The following DPH6 variants were observed in gnomAD, a reference collection of about 807,000 sequenced individuals.
DPH6 encodes diphthine--ammonia ligase.
DPH6 carries 33 observed loss-of-function variants against 38.2 expected under a neutral mutation model. That is an observed-to-expected ratio of 0.86 (90% CI 0.65 to 1.15). The LOEUF (loss-of-function observed/expected upper bound fraction) is 1.15. Ranked by LOEUF, DPH6 falls within the 50% of genes most tolerant of loss-of-function variation. The pLI is 0.00. For missense variants in DPH6, 325 were observed against 320.0 expected (o/e 1.02, Z -0.12); for synonymous variants, 108 against 103.0 (o/e 1.05, Z -0.30).
chr15:35,500,135 A>G (rs181156985), intron 3 of DPH6, among the ~76,000 whole-genome samples: 79 of 152,300 alleles, frequency 5.2e-4, no homozygotes, highest in African/African-American at 1.9e-3. Flanking sequence ...TTTATCCAAG[A>G]TAATAAATAT....
intron 3 of DPH6, among the ~76,000 whole-genome samples, chr15:35,227,170 TCTTC>T (rs1271221825): frequency 8.4e-5 from 12 of 143,542 alleles, no homozygotes; most frequent in Non-Finnish European, 1.7e-4. Context: ...AGTTATAACA[TCTTC>T]TTTTTTTTTT....
chr15:35,484,269 T>G (rs1381980825), intron 3 of DPH6, among the ~76,000 whole-genome samples: 1 of 152,230 alleles, frequency 6.6e-6, no homozygotes, highest in Non-Finnish European at 1.5e-5. Context: ...TAGCAACCTA[T>G]TGCTGCACAA....
chr15:35,450,697 C>T lies in DPH6; in HGVS notation c.493G>A (p.Val165Ile). The change falls in exon 5 of 9, where the codon GTA (valine) becomes ATA (isoleucine). Residue 165 changes from valine (V) to isoleucine (I), a missense_variant. Transcript: ENST00000256538. Reference protein sequence around the residue: ...SSNIQAMIIKVAALGLDPDKH... With the variant: ...SSNIQAMIIKIAALGLDPDKH... ...TTTGGCTGCATACCCAAAGCTGCTA[C>T]TTTGATGATCATTGCTTGAATGTTA... 6.2e-7 allele frequency: 1 copy of T among 1,612,820 alleles called. No individual in the cohort carries two copies. The highest frequency in any genetic ancestry group is 8.5e-7 in the Non-Finnish European group (1 of 1,179,440).
downstream of DPH6, among the ~76,000 whole-genome samples, chr15:35,368,439 G>A (rs1458228088): frequency 6.6e-6 from 1 of 151,862 alleles, no homozygotes. Flanking sequence ...AGAAAATAAT[G>A]AAGTACTATT....
At chr15:35,193,126 ATG>A in the DPH6 span, among the ~76,000 whole-genome samples, 2 of 152,202 alleles carry the variant, frequency 1.3e-5, no homozygotes, top group African/African-American at 4.8e-5. Flanking sequence ...AGTAAATATA[ATG>A]TGTGTTGAGA....
At chr15:35,184,624 G>A in the DPH6 span, among the ~76,000 whole-genome samples, 1 of 152,084 alleles carries the variant, frequency 6.6e-6, no homozygotes. Flanking sequence ...GTAAAAAGAG[G>A]AAAACTGGGT....
At chr15:35,344,479 T>C (rs1027745575) in intron 3 of DPH6, among the ~76,000 whole-genome samples, 3 of 151,966 alleles carry the variant, frequency 2.0e-5, no homozygotes, top group Non-Finnish European at 2.9e-5. Context: ...TACCATCCCC[T>C]GTTCTTTTAG....
At chr15:35,215,742 C>T (rs1008787871), downstream of DPH6, among the ~76,000 whole-genome samples, 8 of 152,196 alleles carry the variant, frequency 5.3e-5, no homozygotes, top group Non-Finnish European at 1.0e-4. Flanking sequence ...AGGCATTTTA[C>T]CTGCATAATT....
rs893289825 is a variant in DPH6, at chr15:35,241,644, T to C, written n.201-21062A>G. On this transcript the variant is annotated intron_variant and non_coding_transcript_variant, in intron 3 of 3. Coordinates refer to the DPH6 transcript ENST00000560386. ...CAAAGCCTCCTTTGCGTCCTCCTCTTGTATTCCCCCACCTTAACCCACAAG... is the reference window on the plus strand; with the variant it reads ...CAAAGCCTCCTTTGCGTCCTCCTCTCGTATTCCCCCACCTTAACCCACAAG... Among the ~76,000 whole-genome samples, 7 of 142,204 alleles carry C rather than the reference T, an allele frequency of 4.9e-5. 1 individual carries two copies. Among genetic ancestry groups the C allele is most frequent in the Non-Finnish European group, 9.2e-5 (6 of 65,112 alleles). 93.3% of individuals were successfully genotyped at this position (142,204 alleles called of 152,430 possible).
intron 3 of DPH6, chr15:35,298,168 T>A (rs113383846): frequency 7.1e-6 from 3 of 421,668 alleles, no homozygotes. Flanking sequence ...TCATGGAGGC[T>A]GTGACCTTTT....
At chr15:35,160,647 T>A in the DPH6 span, among the ~76,000 whole-genome samples, 2 of 151,884 alleles carry the variant, frequency 1.3e-5, no homozygotes, top group Non-Finnish European at 2.9e-5. Context: ...ATTCTTCCCA[T>A]CTTTGTGTTC....
intron 3 of DPH6, chr15:35,299,415 G>A (rs765717359): frequency 1.3e-6 from 1 of 790,704 alleles, no homozygotes; most frequent in East Asian, 2.4e-5. Context: ...TTGAGTCACT[G>A]GTTTCCTCTG....
At chr15:35,193,891 C>G in the DPH6 span, among the ~76,000 whole-genome samples, 1 of 152,068 alleles carries the variant, frequency 6.6e-6, no homozygotes, top group African/African-American at 2.4e-5. Context: ...ATGATACCCA[C>G]CAAGGGGGAA....
At chr15:35,226,687 C>CA (rs569539190) in intron 3 of DPH6, among the ~76,000 whole-genome samples, 182 of 152,132 alleles carry the variant, frequency 1.2e-3, no homozygotes, top group African/African-American at 4.3e-3. Flanking sequence ...GAAAAGGTCA[C>CA]AAAAAATGGA....
chr15:35,298,591 T>C (rs2052031195), intron 3 of DPH6: 3 of 807,976 alleles, frequency 3.7e-6, no homozygotes, highest in Non-Finnish European at 6.7e-6. Context: ...ACTTCTTGGA[T>C]GCATCTTTCT....
chr15:35,370,798 C>T (rs1018340652), downstream of DPH6: 1 of 151,576 alleles, frequency 6.6e-6, no homozygotes, highest in African/African-American at 2.4e-5. Flanking sequence ...CAAAGCTAAA[C>T]ATAATCTTAC....
At chr15:35,346,058 A>G (rs1402831896) in intron 3 of DPH6, among the ~76,000 whole-genome samples, 1 of 152,074 alleles carries the variant, frequency 6.6e-6, no homozygotes, top group Non-Finnish European at 1.5e-5. Flanking sequence ...CATCTCCTAG[A>G]GAATTAAATA....
At chr15:35,297,292 CT>C (rs2052021787) in intron 3 of DPH6, among the ~76,000 whole-genome samples, 1 of 151,744 alleles carries the variant, frequency 6.6e-6, no homozygotes, top group Non-Finnish European at 1.5e-5. Context: ...AGCAAAGCCC[CT>C]TGAAAGTGAA....
chr15:35,270,423 C>T (rs968422694), intron 3 of DPH6, among the ~76,000 whole-genome samples: 7 of 152,150 alleles, frequency 4.6e-5, no homozygotes, highest in Admixed American at 2.0e-4. Context: ...ATAGAACCAT[C>T]TGGGCTTTGG....
Sources: allele counts gnomAD v4.1 joint callset (sites outside exome capture counted in the v4.1 genomes callset), GRCh38; gene constraint gnomAD v4.1.1; transcripts MANE v1.5; gene names NCBI Gene and HGNC (gene_info 2026-07-23, HGNC 2026-07-21).